The following TSHR variants were observed in gnomAD, a reference collection of about 807,000 sequenced individuals.
The protein encoded by TSHR is thyrotropin receptor.
In TSHR, 51 loss-of-function variants were observed where a neutral mutation model predicts 64.1. The ratio of observed to expected loss-of-function variants is 0.80; its 90% CI spans 0.64 to 1.01. TSHR has a LOEUF of 1.01. TSHR is among the 50% of genes least tolerant of loss of function. The pLI, the probability that TSHR is intolerant of heterozygous loss-of-function variation, is 0.00. For synonymous variants in TSHR, 361 were observed against 361.9 expected (o/e 1.00, Z 0.03); for missense variants, 877 against 942.8 (o/e 0.93, Z 0.91).
intron 1 of TSHR, among the ~76,000 whole-genome samples, chr14:80,970,811 T>C (rs1328686114): frequency 6.6e-6 from 1 of 152,246 alleles, no homozygotes; most frequent in Non-Finnish European, 1.5e-5. Context: ...GTATGTCCTA[T>C]ACCTTAGAAG....
chr14:81,108,279 A>G lies in TSHR; in HGVS notation c.615-96A>G, dbSNP rs1436218932. The G allele has an allele frequency of 1.3e-5, 14 of 1,048,554 alleles. No homozygotes were observed. In the South Asian group the frequency reaches 1.4e-4, roughly 11 times the overall value. The allele number at this position is 1,048,554 out of a possible 1,614,324, so 65.0% of individuals were successfully genotyped here. On this transcript the variant is annotated intron_variant, in intron 7 of 9. Transcript: ENST00000298171. Reference sequence around the variant, plus strand: ...TAAATTCTTGAAATCAGTCAATACTATGGTCACATTTTATTCTGATATTTG... The same window carrying G: ...TAAATTCTTGAAATCAGTCAATACTGTGGTCACATTTTATTCTGATATTTG...
chr14:81,085,073 T>G (rs1053220971), intron 3 of TSHR, among the ~76,000 whole-genome samples: 3 of 152,216 alleles, frequency 2.0e-5, no homozygotes, highest in Non-Finnish European at 4.4e-5. Context: ...GCGATTCTCA[T>G]GTCTTGGCCT....
intron 1 of TSHR, among the ~76,000 whole-genome samples, chr14:81,039,745 A>G (rs1040415268): frequency 6.6e-6 from 1 of 152,070 alleles, no homozygotes; most frequent in Non-Finnish European, 1.5e-5. Context: ...AAAGATACTT[A>G]GCAATAAATT....
At chr14:80,970,803 A>G (rs1203035374) in intron 1 of TSHR, among the ~76,000 whole-genome samples, 1 of 152,200 alleles carries the variant, frequency 6.6e-6, no homozygotes, top group East Asian at 1.9e-4. Flanking sequence ...ATACAACTGT[A>G]TGTCCTATAC....
At chr14:81,118,857 C>A (rs1287455700) in intron 8 of TSHR, among the ~76,000 whole-genome samples, 1 of 150,134 alleles carries the variant, frequency 6.7e-6, no homozygotes, top group African/African-American at 2.5e-5. Flanking sequence ...AGAACAGAGC[C>A]CTCAGAAATA....
intron 1 of TSHR, among the ~76,000 whole-genome samples, chr14:80,984,488 A>G (rs549493410): frequency 4.2e-4 from 64 of 152,250 alleles, no homozygotes; most frequent in Admixed American, 4.2e-3. Flanking sequence ...GTACCCTCCA[A>G]TGAGAATTAG....
chr14:81,062,184 T>A lies in TSHR; in HGVS notation c.207T>A (p.Ser69Arg). The part of the protein sequence containing the change: ...LIETHLRTIP[S>R]HAFSNLPNIS... ...AGACTCACCTGAGAACTATTCCAAG[T>A]CATGCATTTTCTAATCTGCCCAATA... is the stretch of plus-strand genomic sequence containing the variant. Residue 69 changes from serine to arginine, a missense_variant, in exon 2 of 10, where the codon AGT becomes AGA. By Grantham distance (110) the Ser-to-Arg change is moderately radical. Transcript: ENST00000298171. The A allele has an allele frequency of 6.2e-7, 1 of 1,611,952 alleles. No individual in the cohort carries two copies. Among genetic ancestry groups the A allele is most frequent in the African/African-American group, 1.3e-5 (1 of 74,970 alleles).
intron 4 of TSHR, among the ~76,000 whole-genome samples, chr14:81,089,971 A>G (rs1888595662): frequency 6.6e-6 from 1 of 152,066 alleles, no homozygotes; most frequent in Admixed American, 6.6e-5. Context: ...CAATGGATAT[A>G]GTTTTTCTAC....
intron 1 of TSHR, among the ~76,000 whole-genome samples, chr14:80,979,466 G>A (rs1888059056): frequency 6.6e-6 from 1 of 152,158 alleles, no homozygotes; most frequent in Non-Finnish European, 1.5e-5. Context: ...ACAGTAGGGT[G>A]ACTATGTTAA....
chr14:81,068,250 T>C lies in TSHR; in HGVS notation c.243-4T>C, dbSNP rs1195032697. 2 of 1,612,688 alleles carry C rather than the reference T, an allele frequency of 1.2e-6. No homozygotes were observed. Among genetic ancestry groups the C allele is most frequent in the Admixed American group, 1.7e-5 (1 of 59,986 alleles). ...ACTTTGTCTTATATTTTTCTGACAT[T>C]CAGCTACGTATCTATAGATGTGACT... is the stretch of plus-strand genomic sequence containing the variant. On this transcript the variant is annotated splice_region_variant and splice_polypyrimidine_tract_variant and intron_variant, in intron 2 of 9. Transcript: ENST00000298171.
At chr14:81,081,495 C>G (rs897926633) in intron 3 of TSHR, among the ~76,000 whole-genome samples, 3 of 152,048 alleles carry the variant, frequency 2.0e-5, no homozygotes, top group African/African-American at 7.2e-5. Context: ...AAGTTCATTT[C>G]CTTTTTGTAT....
chr14:80,982,018 C>A, intron 1 of TSHR: 2 of 390,240 alleles, frequency 5.1e-6, no homozygotes, highest in Non-Finnish European at 1.0e-5. Context: ...GACAAGAGGC[C>A]AGGCCAAAGC....
intron 1 of TSHR, among the ~76,000 whole-genome samples, chr14:81,054,760 A>C (rs146552849): frequency 2.3e-4 from 35 of 152,264 alleles, no homozygotes; most frequent in African/African-American, 7.7e-4. Flanking sequence ...TGGTGGAAGA[A>C]ATTTCTAAGC....
rs17628249 is a variant in TSHR at position 81,031,636 on chromosome 14, G to T, written c.171-30512G>T. 2.6e-5 allele frequency among the ~76,000 whole-genome samples: 4 copies of T among 151,812 alleles called. No homozygotes were observed. The South Asian group carries it at 8.3e-4, about 31-fold the overall frequency. The stretch of plus-strand genomic sequence containing the variant: ...TGTGCAAACTAGCTTAGCAACCTGC[G>T]CCCAGGAGAGTAACCACAGAGGCAG... On this transcript the variant is annotated intron_variant, in intron 1 of 9. Transcript: ENST00000298171.
intron 1 of TSHR, among the ~76,000 whole-genome samples, chr14:80,973,738 T>C (rs1331077862): frequency 6.6e-6 from 1 of 152,246 alleles, no homozygotes; most frequent in Non-Finnish European, 1.5e-5. Context: ...ATGTTTCTTA[T>C]AATAATATTG....
At chr14:80,959,181 TG>T (rs1163515690) in intron 1 of TSHR, among the ~76,000 whole-genome samples, 2 of 152,090 alleles carry the variant, frequency 1.3e-5, no homozygotes, top group East Asian at 3.9e-4. Flanking sequence ...CAGAAGGGTA[TG>T]ATGCTTTACC....
intron 3 of TSHR, among the ~76,000 whole-genome samples, chr14:81,082,638 A>G (rs1887989964): frequency 1.4e-5 from 2 of 143,780 alleles, no homozygotes; most frequent in Non-Finnish European, 1.5e-5. Flanking sequence ...TTGAAAATCA[A>G]ATTGAAACAA....
At chr14:80,992,847 A>G (rs540343639) in intron 1 of TSHR, 1 of 152,236 alleles carries the variant, frequency 6.6e-6, no homozygotes, top group Non-Finnish European at 1.5e-5. Context: ...AACAGGAAAG[A>G]GACCGATGAA....
intron 1 of TSHR, among the ~76,000 whole-genome samples, chr14:81,030,038 A>G (rs1485031284): frequency 6.6e-6 from 1 of 152,226 alleles, no homozygotes; most frequent in Non-Finnish European, 1.5e-5. Context: ...CTTGATGTTT[A>G]AGGAATTGTG....
Sources: allele counts gnomAD v4.1 joint callset (sites outside exome capture counted in the v4.1 genomes callset), GRCh38; gene constraint gnomAD v4.1.1; transcripts MANE v1.5; gene names NCBI Gene and HGNC (gene_info 2026-07-23, HGNC 2026-07-21).